HTATIP2: variants seen among roughly 807,000 people sequenced by gnomAD.
HTATIP2 encodes the protein protein HTATIP2.
In HTATIP2, 26 loss-of-function variants were observed where a neutral mutation model predicts 24.7. That is an observed-to-expected ratio of 1.05 (90% confidence interval 0.77 to 1.46). The LOEUF is 1.46. Ranked by LOEUF, HTATIP2 falls within the 40% of genes most tolerant of loss-of-function variation. The probability of loss-of-function intolerance (pLI) is 0.00; values close to 1 mark genes in which losing one functional copy is unlikely to be tolerated. For missense variants in HTATIP2, 284 were observed against 289.6 expected, an observed-to-expected ratio of 0.98 and a Z score of 0.14; for synonymous variants, 99 against 113.2, an observed-to-expected ratio of 0.87 and a Z score of 0.79.
At chr11:20,366,647 T>C (rs2064710665) in intron 1 of HTATIP2, among the ~76,000 whole-genome samples, 1 of 152,166 alleles carries the variant, frequency 6.6e-6, no homozygotes, top group Non-Finnish European at 1.5e-5. Context: ...ATATGCCTTT[T>C]TATTAAGCAC....
At chr11:20,371,490 G>C (rs942253329) in intron 2 of HTATIP2, among the ~76,000 whole-genome samples, 1 of 152,144 alleles carries the variant, frequency 6.6e-6, no homozygotes, top group Non-Finnish European at 1.5e-5. Flanking sequence ...CTCACTGCAG[G>C]AGTGCGATTT....
At chr11:20,375,127 C>T (rs1170967801) in intron 2 of HTATIP2, among the ~76,000 whole-genome samples, 1 of 152,098 alleles carries the variant, frequency 6.6e-6, no homozygotes, top group Non-Finnish European at 1.5e-5. Flanking sequence ...AGTTCACCCG[C>T]CCACTGGACC....
At position 20,364,049 on chromosome 11, in the gene HTATIP2, T is replaced by C; in HGVS notation, c.-189T>C. 7.4e-7 allele frequency: 1 copy of C among 1,349,398 alleles called. No homozygotes were observed. The highest frequency in any genetic ancestry group is 2.0e-5 in the South Asian group (1 of 50,574). 83.6% of individuals were successfully genotyped at this position (1,349,398 alleles called of 1,614,324 possible). On this transcript the variant is annotated 5_prime_UTR_variant, in exon 1 of 5. Transcript: ENST00000451739. ...CAGCTCGGGCCCCTTCCGATGGGTCTGCTGGCTCAGGTGCGGGCGATGGCC... is the reference window on the plus strand; with the variant it reads ...CAGCTCGGGCCCCTTCCGATGGGTCCGCTGGCTCAGGTGCGGGCGATGGCC...
At chr11:20,377,417 T>A (rs1243402908) in intron 3 of HTATIP2, among the ~76,000 whole-genome samples, 1 of 152,230 alleles carries the variant, frequency 6.6e-6, no homozygotes, top group Non-Finnish European at 1.5e-5. Context: ...TTTTATCTTT[T>A]AAAAATTTAT....
At chr11:20,377,537 C>G (rs1050422180) in intron 3 of HTATIP2, among the ~76,000 whole-genome samples, 2 of 152,164 alleles carry the variant, frequency 1.3e-5, no homozygotes, top group Non-Finnish European at 2.9e-5. Flanking sequence ...ATAGGCATGG[C>G]TTTGTCTTTG....
At position 20,380,671 on chromosome 11, in the gene HTATIP2, C is replaced by CAAAA. The variant is rs35392320; in HGVS notation, c.442-1490_442-1487dup. Among the ~76,000 whole-genome samples the CAAAA allele has an allele frequency of 3.7e-3, 305 of 81,432 alleles. 2 individuals carry two copies. Among genetic ancestry groups the CAAAA allele is most frequent in the African/African-American group, 8.7e-3 (181 of 20,876 alleles). The allele number at this position is 81,432 out of a possible 152,430, so 53.4% of individuals were successfully genotyped here. On this transcript the variant is annotated intron_variant, in intron 3 of 4. Coordinates refer to ENST00000451739, the MANE Select transcript of HTATIP2 (RefSeq NM_001098522.2). ...TGGGCGACAGAGTGAGACTCCATCT[C>CAAAA]AAAAAAAAAAAAAAAAAAAAGCTAA...
At chr11:20,365,429 A>G (rs985414812) in intron 1 of HTATIP2, among the ~76,000 whole-genome samples, 9 of 152,336 alleles carry the variant, frequency 5.9e-5, no homozygotes, top group Non-Finnish European at 1.3e-4. Flanking sequence ...ACAAATTAAC[A>G]TAGTGTGATC....
intron 2 of HTATIP2, among the ~76,000 whole-genome samples, chr11:20,375,725 T>C (rs1592320931): frequency 6.6e-6 from 1 of 152,232 alleles, no homozygotes; most frequent in African/African-American, 2.4e-5. Context: ...CCAGAATTTA[T>C]GGTGGTCTCA....
At position 20,382,233 on chromosome 11, in the gene HTATIP2, G is replaced by C; in HGVS notation, c.497G>C (p.Arg166Thr). ...ELKFDRYSVFRPGVLLCDRQE... is the reference protein window; with the variant it reads ...ELKFDRYSVFTPGVLLCDRQE... ...AAATTTGATCGTTACTCTGTATTTA[G>C]GCCTGGGTAAGTATAATATTTATAC... is the stretch of plus-strand genomic sequence containing the variant. Residue 166 changes from arginine to threonine, a missense_variant, in exon 4 of 5, where the codon AGG becomes ACG. Transcript: ENST00000451739. 1 of 1,562,698 alleles carries C rather than the reference G, an allele frequency of 6.4e-7. No homozygotes were observed. The highest frequency in any genetic ancestry group is 8.8e-7 in the Non-Finnish European group (1 of 1,133,204).
At chr11:20,367,691 T>G in intron 2 of HTATIP2, 1 of 1,115,300 alleles carries the variant, frequency 9.0e-7, no homozygotes, top group Non-Finnish European at 1.1e-6. Flanking sequence ...CTTCAACTTA[T>G]TTTCATGTCA....
At chr11:20,370,522 G>T (rs564554069) in intron 2 of HTATIP2, among the ~76,000 whole-genome samples, 1 of 152,226 alleles carries the variant, frequency 6.6e-6, no homozygotes, top group South Asian at 2.1e-4. Flanking sequence ...CATTTATTAG[G>T]CATCTCATGG....
Position 20,383,452 on chromosome 11 carries a change from T to C in HTATIP2, c.*247T>C, listed in dbSNP as rs530341063. On this transcript the variant is annotated 3_prime_UTR_variant, in exon 5 of 5. Transcript: ENST00000451739. ...TATCTCAAACTTGAATCAAAATTTC[T>C]GGGGTGTGGGCACAATAATCTGTAA... The C allele has an allele frequency of 3.3e-3, 1,630 of 489,514 alleles. 3 individuals carry two copies. The highest frequency in any genetic ancestry group is 5.2e-3 in the Non-Finnish European group (1,426 of 276,668). The allele number at this position is 489,514 out of a possible 1,614,324, so 30.3% of individuals were successfully genotyped here. A position where few individuals can be genotyped will look rare whatever the true frequency, so the allele number is the denominator to read the frequency against.
rs548677538 is a variant in HTATIP2 at position 20,366,768 on chromosome 11, C to G, written c.196-406C>G. Among the ~76,000 whole-genome samples the G allele has an allele frequency of 4.6e-5, 7 of 152,244 alleles. No homozygotes were observed. The East Asian group carries it at 7.7e-4, about 17-fold the overall frequency. On this transcript the variant is annotated intron_variant, in intron 1 of 4. Transcript: ENST00000451739. The stretch of plus-strand genomic sequence containing the variant: ...CTGTAGTGTATGATGAATAATTTGC[C>G]CGTAACTACATGCCTAGTGAGTGTA...
intron 3 of HTATIP2, among the ~76,000 whole-genome samples, chr11:20,377,738 C>G (rs1159344297): frequency 6.6e-6 from 1 of 152,198 alleles, no homozygotes; most frequent in Admixed American, 6.5e-5. Flanking sequence ...ATCTACTTGT[C>G]CAAAAGTCTT....
chr11:20,369,889 G>A (rs540168815), intron 2 of HTATIP2, among the ~76,000 whole-genome samples: 2 of 152,294 alleles, frequency 1.3e-5, no homozygotes, highest in East Asian at 3.9e-4. Flanking sequence ...ATTGACACTG[G>A]TTCTAGGAAA....
In HTATIP2 at chr11:20,376,565, C is replaced by T; in HGVS notation, c.304-15C>T. On this transcript the variant is annotated splice_polypyrimidine_tract_variant and intron_variant, in intron 2 of 4. Transcript: ENST00000451739. ...GCTGCTTTTTGGAAATAACTCATGT[C>T]CTTTTCCCCCTTAGGAGGGATTTGT... The T allele has an allele frequency of 1.2e-6, 2 of 1,613,532 alleles. No homozygotes were observed. The highest frequency in any genetic ancestry group is 1.7e-4 in the Middle Eastern group (1 of 6,060).
intron 3 of HTATIP2, among the ~76,000 whole-genome samples, chr11:20,377,848 T>C (rs758619703): frequency 6.6e-6 from 1 of 152,222 alleles, no homozygotes; most frequent in East Asian, 1.9e-4. Flanking sequence ...TGCATTGTAG[T>C]TTTTAAGACA....
rs1213845552 is a variant in HTATIP2, at chr11:20,383,357, A to G, written c.*152A>G. On this transcript the variant is annotated 3_prime_UTR_variant, in exon 5 of 5. Transcript: ENST00000451739. ...TCAAGAAATGATGGTGCTCTGCATC[A>G]GTGGTTCAGAGCCTGGTTATACATA... 3.2e-6 allele frequency: 2 copies of G among 626,194 alleles called. No homozygotes were observed. The highest frequency in any genetic ancestry group is 5.6e-6 in the Non-Finnish European group (2 of 356,792). The allele number at this position is 626,194 out of a possible 1,614,324, so 38.8% of individuals were successfully genotyped here.
At chr11:20,376,461 C>T (rs113288049) in intron 2 of HTATIP2, 119 bp from the exon 3 acceptor site, 20 of 1,117,750 alleles carry the variant, frequency 1.8e-5, no homozygotes, top group Non-Finnish European at 2.4e-5. Flanking sequence ...ATTGCTTGGA[C>T]ACATTTTATT....
Sources: gnomAD v4.1 joint callset for allele counts (sites outside exome capture counted in the v4.1 genomes callset) on GRCh38, gnomAD v4.1.1 for gene constraint, MANE v1.5 for transcripts, NCBI Gene and HGNC (gene_info 2026-07-23, HGNC 2026-07-21) for gene names.